ARMH4: variants seen among roughly 807,000 people sequenced by gnomAD.
The protein encoded by ARMH4 is armadillo like helical domain containing 4, also known as armadillo-like helical domain-containing protein 4.
Under a neutral mutation model 61.9 loss-of-function variants are expected in ARMH4, and 49 were observed. The ratio of observed to expected loss-of-function variants is 0.79; its 90% confidence interval spans 0.63 to 1.00. The LOEUF (loss-of-function observed/expected upper bound fraction) is 1.00. Among genes scored for constraint, ARMH4 ranks in the 50% least tolerant of loss-of-function variants. The pLI, the probability that ARMH4 is intolerant of heterozygous loss-of-function variation, is 0.00. For synonymous variants in ARMH4, 368 were observed against 341.5 expected, an observed-to-expected ratio of 1.08 and a Z score of -0.85; for missense variants, 934 against 930.0, an observed-to-expected ratio of 1.00 and a Z score of -0.06.
rs987146600 is a variant in ARMH4 at position 58,132,975 on chromosome 14, G to C, written c.1621+115C>G. 4 of 1,056,854 alleles carry C rather than the reference G, an allele frequency of 3.8e-6. No homozygotes were observed. The African/African-American group carries it at 4.7e-5, about 13-fold the overall frequency. The allele number at this position is 1,056,854 out of a possible 1,614,324, so 65.5% of individuals were successfully genotyped here. A position where few individuals can be genotyped will look rare whatever the true frequency, so the allele number is the denominator to read the frequency against. ...GGTAAAGGTGTGTGTGTGTGTGTAC[G>C]TGCACGCACGCGCGCGCTGATGGCA... On this transcript the variant is annotated intron_variant, in intron 3 of 7. Coordinates refer to ENST00000267485, the MANE Select transcript of ARMH4 (RefSeq NM_001001872.4).
At chr14:58,090,850 AC>A (rs1184412899) in intron 5 of ARMH4, among the ~76,000 whole-genome samples, 1 of 146,754 alleles carries the variant, frequency 6.8e-6, no homozygotes, top group East Asian at 2.0e-4. Flanking sequence ...ACTGCACTCC[AC>A]CCTGGGAGAC....
chr14:58,014,300 A>T (rs2141136885), intron 5 of ARMH4, among the ~76,000 whole-genome samples: 1 of 152,228 alleles, frequency 6.6e-6, no homozygotes, highest in African/African-American at 2.4e-5. Flanking sequence ...ATCAATCAGG[A>T]TAAGAGCAGG....
At chr14:58,097,475 G>A (rs1448641425) in intron 4 of ARMH4, among the ~76,000 whole-genome samples, 4 of 152,122 alleles carry the variant, frequency 2.6e-5, no homozygotes, top group African/African-American at 9.7e-5. Flanking sequence ...TGGTAAGTGA[G>A]GAGCACATAA....
In ARMH4 at chr14:58,133,100, G is replaced by A. The variant is rs1045807665; in HGVS notation, c.1611C>T (p.Pro537=). Residue 537 remains proline (P), a synonymous_variant, in exon 3 of 8, where the codon CCC becomes CCT. Transcript: ENST00000267485. ...TVVPLSFEVT[P]TVEEQMDTVT... ...TCCTCCCTTACAGACCTTCCACAGTGGGAGTAACTTCAAAAGACAAAGGGA... is the reference window on the plus strand; with the variant it reads ...TCCTCCCTTACAGACCTTCCACAGTAGGAGTAACTTCAAAAGACAAAGGGA... 1.9e-6 allele frequency: 3 copies of A among 1,614,032 alleles called. No individual in the cohort carries two copies. Among genetic ancestry groups the A allele is most frequent in the African/African-American group, 2.7e-5 (2 of 74,918 alleles).
At chr14:58,079,796 C>G (rs532788538) in intron 5 of ARMH4, among the ~76,000 whole-genome samples, 34 of 152,304 alleles carry the variant, frequency 2.2e-4, no homozygotes, top group African/African-American at 7.9e-4. Context: ...GCACATACAC[C>G]TGGCTCTTTT....
rs778994236 is a variant in ARMH4, at chr14:58,138,071, C to A, written c.1288G>T (p.Ala430Ser). 5.0e-6 allele frequency: 8 copies of A among 1,614,086 alleles called. No individual in the cohort carries two copies. In the African/African-American group the frequency reaches 1.1e-4, roughly 22 times the overall value. ...DFTESTKEND[A>S]LFFLETTVSV... ...ACAGTGGTTTCTAAGAAAAACAGGGCATCGTTTTCCTTGGTGGATTCCGTG... is the reference window on the plus strand; with the variant it reads ...ACAGTGGTTTCTAAGAAAAACAGGGAATCGTTTTCCTTGGTGGATTCCGTG... The change falls in exon 2 of 8, where the codon GCC becomes TCC. Residue 430 changes from alanine to serine, a missense_variant. Physicochemically the swap from Ala to Ser is moderately conservative, Grantham distance 99 (BLOSUM62 1). Coordinates refer to ENST00000267485, the MANE Select transcript of ARMH4 (RefSeq NM_001001872.4).
rs74721985 is a variant in ARMH4 at position 58,045,355 on chromosome 14, C to G, written c.2090-33205G>C. 3.6e-3 allele frequency among the ~76,000 whole-genome samples: 548 copies of G among 152,172 alleles called. 19 individuals are homozygous for G. The East Asian group carries it at 0.083, about 23-fold the overall frequency. On this transcript the variant is annotated intron_variant, in intron 5 of 7. Transcript: ENST00000267485. ...GAAACCATCATTCTCAGCCAACTAT[C>G]GCAAGGACAAAAAACCAAACATCAC...
chr14:58,132,017 T>C (rs1041285643), intron 3 of ARMH4, among the ~76,000 whole-genome samples: 1 of 152,250 alleles, frequency 6.6e-6, no homozygotes, highest in Non-Finnish European at 1.5e-5. Flanking sequence ...TGTAAGATTT[T>C]ATATTATGTA....
intron 1 of ARMH4, among the ~76,000 whole-genome samples, chr14:58,148,134 C>T (rs769328847): frequency 2.0e-4 from 31 of 152,114 alleles, no homozygotes; most frequent in Non-Finnish European, 4.3e-4. Flanking sequence ...ACAACCTCCA[C>T]CTCCCAGGTT....
intron 5 of ARMH4, among the ~76,000 whole-genome samples, chr14:58,052,003 G>A (rs1014228702): frequency 6.6e-6 from 1 of 152,154 alleles, no homozygotes. Flanking sequence ...CACTTCCAAA[G>A]TCCTGATAAA....
At chr14:58,114,560 G>A (rs2141292425) in intron 4 of ARMH4, among the ~76,000 whole-genome samples, 1 of 152,128 alleles carries the variant, frequency 6.6e-6, no homozygotes, top group South Asian at 2.1e-4. Context: ...TCCAAATAAG[G>A]TACTTTTCAA....
chr14:58,124,291 T>G (rs919768112), intron 4 of ARMH4, among the ~76,000 whole-genome samples: 1 of 152,182 alleles, frequency 6.6e-6, no homozygotes, highest in African/African-American at 2.4e-5. Flanking sequence ...TTTCTTTATA[T>G]GTCATAGAAA....
chr14:58,081,504 CTTT>C (rs775771053), intron 5 of ARMH4, among the ~76,000 whole-genome samples: 1 of 141,888 alleles, frequency 7.0e-6, no homozygotes, highest in African/African-American at 2.6e-5. Context: ...AAGTTCATAT[CTTT>C]TTTTTTTTTT....
chr14:58,140,280 A>AC lies in ARMH4; in HGVS notation c.-56-867_-56-866insG, dbSNP rs1175628642. ...ACAAGAGCAAAACTCCATCTCAAAA[A>AC]AAAAAAAGAGAGACCCCAGGCCAGG... On this transcript the variant is annotated intron_variant, in intron 1 of 7. Coordinates refer to ENST00000267485, the MANE Select transcript of ARMH4 (RefSeq NM_001001872.4). 2.5e-4 allele frequency among the ~76,000 whole-genome samples: 34 copies of AC among 138,120 alleles called. 1 individual carries two copies. Among genetic ancestry groups the AC allele is most frequent in the African/African-American group, 9.1e-4 (33 of 36,210 alleles). 90.6% of individuals were successfully genotyped at this position (138,120 alleles called of 152,430 possible).
rs776539865 is a variant in ARMH4 at position 58,124,415 on chromosome 14, C to T, written c.1831+7097G>A. 3.3e-4 allele frequency among the ~76,000 whole-genome samples: 50 copies of T among 152,140 alleles called. 1 individual carries two copies. Among genetic ancestry groups the T allele is most frequent in the Admixed American group, 1.6e-3 (25 of 15,276 alleles). On this transcript the variant is annotated intron_variant, in intron 4 of 7. Coordinates refer to ENST00000267485, the MANE Select transcript of ARMH4 (RefSeq NM_001001872.4). Reference sequence around the variant, plus strand: ...GGCAAAGGGTTGGCCTCATTGTTTACGGGTAGTAGCGGCAGTAGCAGTCTT... The same window carrying T: ...GGCAAAGGGTTGGCCTCATTGTTTATGGGTAGTAGCGGCAGTAGCAGTCTT...
At chr14:58,103,698 C>T (rs1264019346) in intron 4 of ARMH4, among the ~76,000 whole-genome samples, 1 of 152,082 alleles carries the variant, frequency 6.6e-6, no homozygotes, top group Admixed American at 6.5e-5. Flanking sequence ...AATTGACCCT[C>T]CCACCTCAGC....
Position 58,084,856 on chromosome 14 carries a change from T to C in ARMH4, c.2089+11868A>G, listed in dbSNP as rs149321496. 3.2e-3 allele frequency among the ~76,000 whole-genome samples: 488 copies of C among 152,348 alleles called. 3 individuals are homozygous for C. The highest frequency in any genetic ancestry group is 0.011 in the African/African-American group (472 of 41,584). On this transcript the variant is annotated intron_variant, in intron 5 of 7. Transcript: ENST00000267485. Reference sequence around the variant, plus strand: ...GTGCCAGATTCTGTAAATCATTCTGTGCAAGCAGAAAGGTTCTGAGTTGGA... The same window carrying C: ...GTGCCAGATTCTGTAAATCATTCTGCGCAAGCAGAAAGGTTCTGAGTTGGA...
chr14:58,050,451 C>A (rs1183896442), intron 5 of ARMH4, among the ~76,000 whole-genome samples: 1 of 152,206 alleles, frequency 6.6e-6, no homozygotes, highest in African/African-American at 2.4e-5. Flanking sequence ...AGTGGCAAAC[C>A]AATCACCCAT....
intron 5 of ARMH4, among the ~76,000 whole-genome samples, chr14:58,063,613 A>G (rs201469107): frequency 4.0e-5 from 1 of 24,898 alleles, no homozygotes; most frequent in Non-Finnish European, 6.4e-5. Flanking sequence ...AGAAACTACA[A>G]AAAATATCAT....
Sources: gnomAD v4.1 joint callset for allele counts (sites outside exome capture counted in the v4.1 genomes callset) on GRCh38, gnomAD v4.1.1 for gene constraint, MANE v1.5 for transcripts, NCBI Gene and HGNC (gene_info 2026-07-23, HGNC 2026-07-21) for gene names.